The following SAMD12 variants were observed in gnomAD, a reference collection of about 807,000 sequenced individuals.
SAMD12 encodes the protein sterile alpha motif domain-containing protein 12.
A neutral mutation model predicts 15.0 loss-of-function variants in SAMD12; 9 were observed. That is an observed-to-expected ratio of 0.60 (90% confidence interval 0.36 to 1.05). The LOEUF (loss-of-function observed/expected upper bound fraction) is 1.05, where lower values mean the gene tolerates loss of function less well. Ranked by LOEUF, SAMD12 falls within the 50% of genes least tolerant of loss-of-function variation. The pLI is 0.01. For synonymous variants in SAMD12, 86 were observed against 90.1 expected, an observed-to-expected ratio of 0.96 and a Z score of 0.25; for missense variants, 230 against 234.2, an observed-to-expected ratio of 0.98 and a Z score of 0.12.
intron 3 of SAMD12, among the ~76,000 whole-genome samples, chr8:118,411,210 A>G (rs7821919): frequency 0.35 from 52,957 of 152,048 alleles, 9,925 homozygotes; most frequent in African/African-American, 0.42. Flanking sequence ...ATGAGTTAAA[A>G]AAGGAAATTT....
At chr8:118,244,061 ACAG>A (rs1239916985) in intron 4 of SAMD12, among the ~76,000 whole-genome samples, 1 of 152,140 alleles carries the variant, frequency 6.6e-6, no homozygotes, top group Non-Finnish European at 1.5e-5. Context: ...CTTAGAATCC[ACAG>A]CAATTCTGAC....
chr8:118,440,327 GTATT>G (rs1418871945), intron 2 of SAMD12, among the ~76,000 whole-genome samples: 1 of 152,148 alleles, frequency 6.6e-6, no homozygotes, highest in Non-Finnish European at 1.5e-5. Flanking sequence ...TTCCAAGAAA[GTATT>G]TATCTCTCGC....
downstream of SAMD12, among the ~76,000 whole-genome samples, chr8:118,186,513 T>G (rs1819245360): frequency 2.0e-5 from 3 of 150,462 alleles, no homozygotes; most frequent in Admixed American, 6.6e-5. Flanking sequence ...AACTAGAATT[T>G]AAACCATCAA....
At chr8:118,305,712 C>G (rs1815312039) in intron 4 of SAMD12, among the ~76,000 whole-genome samples, 2 of 152,130 alleles carry the variant, frequency 1.3e-5, no homozygotes, top group African/African-American at 4.8e-5. Context: ...CTAATCTATC[C>G]AGGTCCACAA....
intron 2 of SAMD12, among the ~76,000 whole-genome samples, chr8:118,463,572 T>C (rs1823499331): frequency 6.6e-6 from 1 of 152,000 alleles, no homozygotes. Context: ...TTGCAGGAAC[T>C]GGAAGACGAA....
the SAMD12 span, among the ~76,000 whole-genome samples, chr8:118,146,581 A>G: frequency 1.3e-5 from 2 of 152,232 alleles, no homozygotes; most frequent in African/African-American, 4.8e-5. Context: ...AACATTCATT[A>G]TCACCCATTG....
chr8:118,164,742 A>G, the SAMD12 span, among the ~76,000 whole-genome samples: 6 of 151,794 alleles, frequency 4.0e-5, no homozygotes, highest in Admixed American at 1.3e-4. Context: ...TTAATCTATA[A>G]TAGAGAAATA....
At chr8:118,581,025 C>T (rs1466426320) in intron 1 of SAMD12, 132 bp from the exon 2 acceptor site, 44 of 610,480 alleles carry the variant, frequency 7.2e-5, no homozygotes, top group South Asian at 4.5e-4. Context: ...GTGATTACTA[C>T]GATAAATAAT....
intron 2 of SAMD12, among the ~76,000 whole-genome samples, chr8:118,495,660 T>C (rs113990270): frequency 2.6e-5 from 4 of 152,096 alleles, no homozygotes; most frequent in African/African-American, 9.6e-5. Context: ...TGACTGATAC[T>C]TCCCAAAGTC....
intron 3 of SAMD12, among the ~76,000 whole-genome samples, chr8:118,432,851 C>G (rs1822455401): frequency 6.6e-6 from 1 of 152,046 alleles, no homozygotes; most frequent in Non-Finnish European, 1.5e-5. Flanking sequence ...CACCACCACC[C>G]CTAGCACCAC....
the SAMD12 span, among the ~76,000 whole-genome samples, chr8:118,133,535 A>G: frequency 6.6e-6 from 1 of 152,144 alleles, no homozygotes; most frequent in Non-Finnish European, 1.5e-5. Flanking sequence ...AGATGGAGGC[A>G]ACACTCTCTT....
chr8:118,469,496 T>TAAATATATATA (rs1187763243), intron 2 of SAMD12, among the ~76,000 whole-genome samples: 1 of 31,322 alleles, frequency 3.2e-5, no homozygotes, highest in African/African-American at 8.6e-5. Context: ...ATATTATATA[T>TAAATATATATA]ATATTTTTAT....
intron 4 of SAMD12, among the ~76,000 whole-genome samples, chr8:118,323,505 T>C (rs1213830926): frequency 6.6e-6 from 1 of 152,132 alleles, no homozygotes; most frequent in Non-Finnish European, 1.5e-5. Context: ...CTGATTCCTG[T>C]AATCCCAGCA....
intron 4 of SAMD12, among the ~76,000 whole-genome samples, chr8:118,319,665 C>G (rs1816126134): frequency 6.6e-6 from 1 of 152,136 alleles, no homozygotes; most frequent in Non-Finnish European, 1.5e-5. Context: ...CTCCCTTCCT[C>G]CATGATGCAG....
At chr8:118,334,721 G>A (rs1816974510) in intron 4 of SAMD12, among the ~76,000 whole-genome samples, 1 of 152,050 alleles carries the variant, frequency 6.6e-6, no homozygotes, top group South Asian at 2.1e-4. Flanking sequence ...TCAGCCTCCA[G>A]AATAGCTGGG....
At chr8:118,261,690 T>C (rs1001749756) in intron 4 of SAMD12, among the ~76,000 whole-genome samples, 3 of 151,698 alleles carry the variant, frequency 2.0e-5, no homozygotes, top group African/African-American at 7.3e-5. Context: ...TTAATAGTAA[T>C]GATAGCTAGT....
chr8:118,328,771 A>G (rs1488554244), intron 4 of SAMD12, among the ~76,000 whole-genome samples: 2 of 152,190 alleles, frequency 1.3e-5, no homozygotes, highest in African/African-American at 4.8e-5. Context: ...GTATTATGGT[A>G]TGCACACAGT....
chr8:118,461,338 G>A (rs1823416702), intron 2 of SAMD12, among the ~76,000 whole-genome samples: 1 of 152,190 alleles, frequency 6.6e-6, no homozygotes, highest in South Asian at 2.1e-4. Flanking sequence ...CAAAGGTTCA[G>A]ATAGCCAAGA....
intron 1 of SAMD12, among the ~76,000 whole-genome samples, chr8:118,602,091 C>T (rs1827877181): frequency 6.6e-6 from 1 of 152,156 alleles, no homozygotes; most frequent in Admixed American, 6.5e-5. Context: ...ATCAGGCCCA[C>T]TTATGGTTGT....
Sources: allele counts gnomAD v4.1 joint callset (sites outside exome capture counted in the v4.1 genomes callset), GRCh38; gene constraint gnomAD v4.1.1; transcripts MANE v1.5; gene names NCBI Gene and HGNC (gene_info 2026-07-23, HGNC 2026-07-21).